Variants in SERPINI2 observed in about 807,000 individuals in gnomAD.
The protein encoded by SERPINI2 is serpin family I member 2.
A neutral mutation model predicts 47.3 loss-of-function variants in SERPINI2; 48 were observed. The observed-to-expected ratio is 1.02, with a 90% CI of 0.81 to 1.29. The LOEUF (loss-of-function observed/expected upper bound fraction) is 1.29. Ranked by LOEUF, SERPINI2 falls within the 50% of genes most tolerant of loss-of-function variation. The probability of loss-of-function intolerance (pLI) is 0.00; values close to 1 mark genes in which losing one functional copy is unlikely to be tolerated. For synonymous variants in SERPINI2, 135 were observed against 149.3 expected, an observed-to-expected ratio of 0.90 and a Z score of 0.70; for missense variants, 448 against 456.9, an observed-to-expected ratio of 0.98 and a Z score of 0.18.
chr3:167,473,760 T>C, intron 1 of SERPINI2: 1 of 1,481,378 alleles, frequency 6.8e-7, no homozygotes, highest in East Asian at 2.6e-5. Flanking sequence ...GGATCATATC[T>C]TATCAGAAAG....
intron 8 of SERPINI2, 97 bp from the exon 9 acceptor site, chr3:167,442,282 C>A (rs762433775): frequency 6.5e-5 from 54 of 836,408 alleles, no homozygotes; most frequent in Admixed American, 2.6e-4. Context: ...GTCATTTGGT[C>A]TTTTTTCTCT....
intron 7 of SERPINI2, 116 bp downstream of exon 7, chr3:167,449,200 T>G (rs1027413630): frequency 5.6e-6 from 4 of 711,314 alleles, no homozygotes; most frequent in African/African-American, 5.4e-5. Context: ...CCTCCTGAAG[T>G]GTATTAGACA....
exon 6 of SERPINI2, chr3:167,452,963 C>G: frequency 6.2e-7 from 1 of 1,604,864 alleles, no homozygotes; most frequent in South Asian, 1.1e-5. Flanking sequence ...TCGCAGCCAC[C>G]ACTAAATATC....
upstream of SERPINI2, among the ~76,000 whole-genome samples, chr3:167,474,443 C>A (rs978294969): frequency 1.3e-5 from 2 of 151,536 alleles, no homozygotes; most frequent in Non-Finnish European, 3.0e-5. Context: ...AAGAATAAAG[C>A]TAAATCAAGT....
chr3:167,460,821 C>CGAAA (rs1553855859), intron 5 of SERPINI2, among the ~76,000 whole-genome samples: 10 of 152,096 alleles, frequency 6.6e-5, no homozygotes, highest in Non-Finnish European at 1.2e-4. Flanking sequence ...TATAGAATTT[C>CGAAA]TTTCCTTGAA....
chr3:167,444,818 G>A (rs1294544785), intron 8 of SERPINI2, among the ~76,000 whole-genome samples: 1 of 152,010 alleles, frequency 6.6e-6, no homozygotes, highest in Admixed American at 6.6e-5. Flanking sequence ...GGTTATTTTG[G>A]GTTTTGAACT....
intron 5 of SERPINI2, among the ~76,000 whole-genome samples, chr3:167,458,462 C>T (rs1241393396): frequency 2.7e-5 from 4 of 146,874 alleles, no homozygotes; most frequent in Admixed American, 6.8e-5. Context: ...CGGGGTTTAA[C>T]GGTGTGAGCC....
chr3:167,471,777 T>A lies in SERPINI2; in HGVS notation c.58A>T (p.Arg20Ter), dbSNP rs1750331698. ...TCGGTATTTTTTTGAGCTGAGCATC[T>A]TGAGGCTTGACTTCCAAAAAACAGC... The change falls in exon 2 of 9, where the codon AGA becomes TGA. Residue 20 changes from arginine to a stop codon, truncating the protein, a stop_gained. Coordinates refer to ENST00000264677, the Ensembl canonical transcript of SERPINI2. LOFTEE classifies it high-confidence loss of function. 6.2e-7 allele frequency: 1 copy of A among 1,613,554 alleles called. No homozygotes were observed. The highest frequency in any genetic ancestry group is 1.7e-5 in the Admixed American group (1 of 59,936).
At chr3:167,457,990 C>G (rs1667411194) in intron 5 of SERPINI2, among the ~76,000 whole-genome samples, 1 of 152,184 alleles carries the variant, frequency 6.6e-6, no homozygotes, top group South Asian at 2.1e-4. Flanking sequence ...ACAATTCTGA[C>G]TACTACATAG....
At position 167,463,824 on chromosome 3, in the gene SERPINI2, A is replaced by G. The variant is rs577200087; in HGVS notation, c.866+1382T>C. On this transcript the variant is annotated intron_variant, in intron 5 of 8. Transcript: ENST00000264677. ...TTGGAAGTAAGAGAAATCAACCTAG[A>G]GTAGTAAGTGAAGGAGAGAAGTAAT... Among the ~76,000 whole-genome samples the G allele has an allele frequency of 2.0e-5, 3 of 152,130 alleles. No individual in the cohort carries two copies. The East Asian group carries it at 5.8e-4, about 30-fold the overall frequency.
At chr3:167,475,724 G>A (rs187550977), upstream of SERPINI2, among the ~76,000 whole-genome samples, 68 of 115,120 alleles carry the variant, frequency 5.9e-4, 1 homozygote, top group African/African-American at 2.4e-3. Context: ...CTAGAAAATC[G>A]GGGTGGGGGG....
intron 5 of SERPINI2, among the ~76,000 whole-genome samples, chr3:167,461,251 T>A (rs1049344882): frequency 5.3e-5 from 8 of 151,988 alleles, no homozygotes; most frequent in African/African-American, 1.9e-4. Flanking sequence ...CAAAAAAAAA[T>A]AAAATAAAGC....
rs140768667 is a variant in SERPINI2, at chr3:167,465,269, G to A, written c.803C>T (p.Ala268Val). The A allele has an allele frequency of 3.7e-6, 6 of 1,612,628 alleles. No individual in the cohort carries two copies. In the East Asian group the frequency reaches 1.3e-4, roughly 36 times the overall value. The stretch of plus-strand genomic sequence containing the variant: ...AGAGAGCCATTTTAGGATTTGTTGA[G>A]CAGTAATTAGTTTTTCCACTTCTTC... Residue 268 changes from alanine to valine, a missense_variant, in exon 5 of 9, where the codon GCT becomes GTT. By Grantham distance (64) the Ala-to-Val change is moderately conservative. Transcript: ENST00000264677.
At chr3:167,456,179 TGTG>T (rs1281387979) in intron 5 of SERPINI2, among the ~76,000 whole-genome samples, 3 of 151,284 alleles carry the variant, frequency 2.0e-5, no homozygotes, top group African/African-American at 7.4e-5. Flanking sequence ...TGTGTGTGTG[TGTG>T]TGTGTGTAAA....
exon 7 of SERPINI2, chr3:167,449,376 C>T: frequency 6.2e-7 from 1 of 1,612,072 alleles, no homozygotes; most frequent in Non-Finnish European, 8.5e-7. Context: ...TTTTGCGTCA[C>T]TTGGGAAACA....
rs531660911 is a variant in SERPINI2, at chr3:167,459,247, T to C, written c.866+5959A>G. Among the ~76,000 whole-genome samples, 181 of 152,108 alleles carry C rather than the reference T, an allele frequency of 1.2e-3. 1 individual carries two copies. The highest frequency in any genetic ancestry group is 2.1e-3 in the Non-Finnish European group (145 of 67,984). On this transcript the variant is annotated intron_variant, in intron 5 of 8. Coordinates refer to ENST00000264677, the Ensembl canonical transcript of SERPINI2. ...CCGCCACTATGCCCGGCTAATTTTT[T>C]GTATTTTTAGTAGAGACGGGGTTTC...
At chr3:167,456,026 C>A (rs934449236) in intron 5 of SERPINI2, among the ~76,000 whole-genome samples, 1 of 152,158 alleles carries the variant, frequency 6.6e-6, no homozygotes, top group Admixed American at 6.5e-5. Context: ...AGAGCTGGAA[C>A]CAACCAAACC....
chr3:167,457,998 T>C (rs976289534), intron 5 of SERPINI2, among the ~76,000 whole-genome samples: 2 of 152,230 alleles, frequency 1.3e-5, no homozygotes, highest in African/African-American at 2.4e-5. Flanking sequence ...GACTACTACA[T>C]AGATCTTTCT....
At chr3:167,474,796 TTCAAA>T (rs2108178114), upstream of SERPINI2, among the ~76,000 whole-genome samples, 1 of 151,858 alleles carries the variant, frequency 6.6e-6, no homozygotes, top group South Asian at 2.1e-4. Flanking sequence ...ATTTTTGTAG[TTCAAA>T]TCAATCACCT....
Sources: gnomAD v4.1 joint callset for allele counts (sites outside exome capture counted in the v4.1 genomes callset) on GRCh38, gnomAD v4.1.1 for gene constraint, MANE v1.5 for transcripts, NCBI Gene and HGNC (gene_info 2026-07-23, HGNC 2026-07-21) for gene names.